RIC1: variants seen among roughly 807,000 people sequenced by gnomAD.
RIC1 encodes the protein guanine nucleotide exchange factor subunit RIC1.
Under a neutral mutation model 169.0 loss-of-function variants are expected in RIC1, and 88 were observed. That is an observed-to-expected ratio of 0.52 (90% CI 0.44 to 0.62). The LOEUF is 0.62. Among genes scored for constraint, RIC1 ranks in the 20% least tolerant of loss-of-function variants. The probability of loss-of-function intolerance (pLI) is 0.00; values close to 1 mark genes in which losing one functional copy is unlikely to be tolerated. For synonymous variants in RIC1, 790 were observed against 601.5 expected, an observed-to-expected ratio of 1.31 and a Z score of -4.59; for missense variants, 1,877 against 1,725.5, an observed-to-expected ratio of 1.09 and a Z score of -1.56.
chr9:5,640,221 GT>G (rs1244522723), intron 1 of RIC1, among the ~76,000 whole-genome samples: 1 of 152,052 alleles, frequency 6.6e-6, no homozygotes, highest in Non-Finnish European at 1.5e-5. Context: ...TTTATGTTTT[GT>G]GTATCTGTTG....
chr9:5,703,773 C>A (rs1822387871), intron 3 of RIC1, among the ~76,000 whole-genome samples: 1 of 152,160 alleles, frequency 6.6e-6, no homozygotes, highest in Non-Finnish European at 1.5e-5. Context: ...ATCCATGAAT[C>A]AGGTGATGGC....
intron 2 of RIC1, among the ~76,000 whole-genome samples, chr9:5,673,217 T>G (rs1820215664): frequency 6.6e-6 from 1 of 151,894 alleles, no homozygotes; most frequent in Admixed American, 6.6e-5. Context: ...AAACTTCCTA[T>G]GGAAGACCAT....
intron 2 of RIC1, among the ~76,000 whole-genome samples, chr9:5,682,274 C>T (rs1820897227): frequency 6.6e-6 from 1 of 152,140 alleles, no homozygotes; most frequent in Non-Finnish European, 1.5e-5. Flanking sequence ...TACAATTTGG[C>T]ATGTTTTTGC....
chr9:5,669,032 C>T (rs1393240901), intron 2 of RIC1, among the ~76,000 whole-genome samples: 1 of 152,154 alleles, frequency 6.6e-6, no homozygotes, highest in Admixed American at 6.5e-5. Flanking sequence ...TTCTCCTAGC[C>T]CTCAGAGATT....
intron 7 of RIC1, among the ~76,000 whole-genome samples, chr9:5,733,419 A>G (rs1056610987): frequency 3.3e-5 from 5 of 151,718 alleles, no homozygotes; most frequent in Non-Finnish European, 7.4e-5. Flanking sequence ...GCCCACCACC[A>G]TGCCCAGCTA....
chr9:5,763,344 C>A lies in RIC1; in HGVS notation c.2317C>A (p.His773Asn), dbSNP rs760788414. 6.2e-7 allele frequency: 1 copy of A among 1,614,178 alleles called. No homozygotes were observed. Among genetic ancestry groups the A allele is most frequent in the South Asian group, 1.1e-5 (1 of 91,084 alleles). Residue 773 changes from histidine to asparagine, a missense_variant, in exon 19 of 26, where the codon CAC becomes AAC. Coordinates refer to ENST00000414202, the MANE Select transcript of RIC1 (RefSeq NM_020829.4). This position sits in a 1 kb window ranked among gnomAD's most constrained non-coding sequence, Gnocchi z 5.2. The stretch of plus-strand genomic sequence containing the variant: ...GTCCCAGCGGATCATGCTGCCTTTC[C>A]ACATCAACATTTACCCGCTAGCTGT... ...FLSQRIMLPF[H>N]INIYPLAVLF...
chr9:5,732,550 A>G (rs1031856743), intron 7 of RIC1, 71 bp downstream of exon 7: 3 of 928,590 alleles, frequency 3.2e-6, no homozygotes, highest in South Asian at 1.6e-5. Context: ...TTTTGTAAAC[A>G]TAAGATGTTC....
chr9:5,639,317 A>G (rs1818124720), intron 1 of RIC1, among the ~76,000 whole-genome samples: 1 of 152,136 alleles, frequency 6.6e-6, no homozygotes. Context: ...ATTTGTTTCA[A>G]TAAAGTTTTC....
chr9:5,738,019 C>G (rs1029785615), intron 7 of RIC1, among the ~76,000 whole-genome samples: 1 of 152,026 alleles, frequency 6.6e-6, no homozygotes, highest in Non-Finnish European at 1.5e-5. Flanking sequence ...TGGGCCCATG[C>G]AGTTCAGATC....
intron 3 of RIC1, among the ~76,000 whole-genome samples, chr9:5,699,403 G>C (rs2780228): frequency 0.45 from 68,960 of 151,918 alleles, 16,638 homozygotes; most frequent in African/African-American, 0.61. Context: ...GGGATGGGCC[G>C]TGGCCACCTG....
In RIC1 at chr9:5,772,894, A is replaced by T; in HGVS notation, c.3797A>T (p.Tyr1266Phe). The stretch of plus-strand genomic sequence containing the variant: ...ATTTTGTTTCTGCTTATATTTAGGT[A>T]TTTGCTACACATTTTCATGGAGGCA... Reference protein sequence around the residue: ...GPHKSQVQLRYLLHIFMEAGC... With the variant: ...GPHKSQVQLRFLLHIFMEAGC... The change falls in exon 25 of 26, where the codon TAT (tyrosine) becomes TTT (phenylalanine). Residue 1266 changes from tyrosine (Y) to phenylalanine (F), a missense_variant and splice_region_variant. Transcript: ENST00000414202. 1 of 1,610,202 alleles carries T rather than the reference A, an allele frequency of 6.2e-7. No homozygotes were observed. Among genetic ancestry groups the T allele is most frequent in the Non-Finnish European group, 8.5e-7 (1 of 1,178,316 alleles).
chr9:5,692,374 C>T (rs1821635815), intron 3 of RIC1, among the ~76,000 whole-genome samples: 1 of 151,996 alleles, frequency 6.6e-6, no homozygotes. Context: ...CTTAGGTAAG[C>T]ACCTAGCTTA....
chr9:5,773,848 A>G (rs1453993912), intron 25 of RIC1, 110 bp from the exon 26 acceptor site: 1 of 1,034,602 alleles, frequency 9.7e-7, no homozygotes, highest in Non-Finnish European at 1.4e-6. Context: ...CTCCCCTCCT[A>G]ATCTATCGTC....
intron 1 of RIC1, among the ~76,000 whole-genome samples, chr9:5,631,764 T>C (rs1343530132): frequency 1.3e-5 from 2 of 151,810 alleles, no homozygotes; most frequent in Admixed American, 6.6e-5. Flanking sequence ...GTGAGTGGGA[T>C]ACATATGCTA....
chr9:5,637,509 A>G lies in RIC1; in HGVS notation c.144+8056A>G, dbSNP rs201305184. On this transcript the variant is annotated intron_variant, in intron 1 of 25. Transcript: ENST00000414202. ...TTATTTTAAAATATACAATTAAATTATTTTGACTGTAGTCACCCTGTTGTG... is the reference window on the plus strand; with the variant it reads ...TTATTTTAAAATATACAATTAAATTGTTTTGACTGTAGTCACCCTGTTGTG... Among the ~76,000 whole-genome samples, 16 of 152,332 alleles carry G rather than the reference A, an allele frequency of 1.1e-4. No homozygotes were observed. The East Asian group carries it at 3.1e-3, about 29-fold the overall frequency.
intron 1 of RIC1, among the ~76,000 whole-genome samples, chr9:5,630,065 G>A (rs1817644068): frequency 6.6e-6 from 1 of 152,106 alleles, no homozygotes; most frequent in African/African-American, 2.4e-5. Context: ...TGGACTCTTC[G>A]GAATAGGGGG....
intron 6 of RIC1, among the ~76,000 whole-genome samples, chr9:5,722,346 A>AGTGTGT (rs1343192304): frequency 6.2e-4 from 37 of 59,226 alleles, no homozygotes; most frequent in African/African-American, 2.9e-3. Context: ...TAAGAGAGAG[A>AGTGTGT]GAGTGTGTGT....
chr9:5,759,004 A>G (rs904592733), intron 17 of RIC1, among the ~76,000 whole-genome samples: 1 of 151,692 alleles, frequency 6.6e-6, no homozygotes, highest in Non-Finnish European at 1.5e-5. Flanking sequence ...CGGCCTCCCA[A>G]AGTGCTGGGA....
intron 2 of RIC1, among the ~76,000 whole-genome samples, chr9:5,686,851 G>C (rs758055645): frequency 6.6e-6 from 1 of 152,132 alleles, no homozygotes; most frequent in Non-Finnish European, 1.5e-5. Flanking sequence ...TTTGTTATGA[G>C]GCCTCATAAA....
Sources: gnomAD v4.1 joint callset for allele counts (sites outside exome capture counted in the v4.1 genomes callset) on GRCh38, gnomAD v4.1.1 for gene constraint, Gnocchi (gnomAD v3.1) non-coding constraint, MANE v1.5 for transcripts, NCBI Gene and HGNC (gene_info 2026-07-23, HGNC 2026-07-21) for gene names.